AGBL4: variants seen among roughly 807,000 people sequenced by gnomAD.
AGBL4 encodes the protein AGBL carboxypeptidase 4.
A neutral mutation model predicts 66.4 loss-of-function variants in AGBL4; 58 were observed. That is an observed-to-expected ratio of 0.87 (90% confidence interval 0.71 to 1.09). AGBL4 has a LOEUF of 1.09. AGBL4 is among the 50% of genes least tolerant of loss of function. The pLI is 0.00. For synonymous variants in AGBL4, 234 were observed against 222.9 expected, an observed-to-expected ratio of 1.05 and a Z score of -0.44; for missense variants, 579 against 631.0, an observed-to-expected ratio of 0.92 and a Z score of 0.88.
At chr1:49,083,426 C>T (rs1008496068) in intron 4 of AGBL4, among the ~76,000 whole-genome samples, 1 of 152,224 alleles carries the variant, frequency 6.6e-6, no homozygotes, top group African/African-American at 2.4e-5. Context: ...TTCTGCACAC[C>T]TGCAGGCTCA....
chr1:49,496,977 C>T (rs760347272), intron 3 of AGBL4, among the ~76,000 whole-genome samples: 10 of 151,954 alleles, frequency 6.6e-5, no homozygotes, highest in African/African-American at 1.9e-4. Flanking sequence ...TACTATCATA[C>T]ATTCCCACCA....
At chr1:48,666,243 C>T (rs577445076) in intron 6 of AGBL4, among the ~76,000 whole-genome samples, 3 of 152,110 alleles carry the variant, frequency 2.0e-5, no homozygotes, top group East Asian at 1.9e-4. Context: ...CCTCCTGTCA[C>T]CAAATCTCCA....
chr1:48,531,205 T>G (rs4926741), downstream of AGBL4, among the ~76,000 whole-genome samples: 1 of 136,696 alleles, frequency 7.3e-6, no homozygotes, highest in African/African-American at 2.7e-5. Context: ...CAGCTTTTTT[T>G]TTTCTCTCTC....
intron 3 of AGBL4, among the ~76,000 whole-genome samples, chr1:49,657,056 G>T (rs1646153366): frequency 1.3e-5 from 2 of 152,154 alleles, no homozygotes; most frequent in Non-Finnish European, 2.9e-5. Context: ...AGGAAAAGAG[G>T]AAGTCAAATT....
chr1:49,948,586 G>T (rs548296541), intron 1 of AGBL4, among the ~76,000 whole-genome samples: 2,479 of 129,704 alleles, frequency 0.019, 39 homozygotes, highest in African/African-American at 0.04. Context: ...TATATATAGA[G>T]AGAGAGAGAG....
At chr1:48,545,638 G>A (rs1257712911) in intron 11 of AGBL4, among the ~76,000 whole-genome samples, 1 of 152,122 alleles carries the variant, frequency 6.6e-6, no homozygotes, top group African/African-American at 2.4e-5. Flanking sequence ...TCATTTTCAG[G>A]TTCCTGTGTA....
intron 3 of AGBL4, among the ~76,000 whole-genome samples, chr1:49,551,609 G>A (rs1416061328): frequency 6.6e-6 from 1 of 152,236 alleles, no homozygotes; most frequent in African/African-American, 2.4e-5. Context: ...GCTCTGGGCT[G>A]GTACTGGGGG....
At chr1:49,784,770 T>C (rs1399889724) in intron 2 of AGBL4, among the ~76,000 whole-genome samples, 2 of 151,870 alleles carry the variant, frequency 1.3e-5, no homozygotes, top group South Asian at 4.1e-4. Flanking sequence ...CTCTTACAGT[T>C]AATAATAAAA....
rs185394930 is a variant in AGBL4 at position 49,705,296 on chromosome 1, A to C, written c.158-7859T>G. Among the ~76,000 whole-genome samples, 3 of 152,278 alleles carry C rather than the reference A, an allele frequency of 2.0e-5. No homozygotes were observed. The East Asian group carries it at 5.8e-4, about 29-fold the overall frequency. ...GATTTTGTATCCTGTGACTTTGCTGAAGTTATCAGGTTAAGAATATTTTGA... is the reference window on the plus strand; with the variant it reads ...GATTTTGTATCCTGTGACTTTGCTGCAGTTATCAGGTTAAGAATATTTTGA... On this transcript the variant is annotated intron_variant, in intron 2 of 13. Coordinates refer to ENST00000371839, the MANE Select transcript of AGBL4 (RefSeq NM_032785.4).
At chr1:49,601,551 C>A (rs1045662197) in intron 3 of AGBL4, among the ~76,000 whole-genome samples, 2 of 152,124 alleles carry the variant, frequency 1.3e-5, no homozygotes, top group African/African-American at 2.4e-5. Context: ...TACCACCACA[C>A]ATCTACAACC....
chr1:49,659,741 C>G (rs182045732), intron 3 of AGBL4, among the ~76,000 whole-genome samples: 13 of 152,226 alleles, frequency 8.5e-5, no homozygotes, highest in Admixed American at 5.2e-4. Context: ...ACATTCAAGA[C>G]TTGAACTCAG....
chr1:49,964,766 G>T (rs1466803009), intron 1 of AGBL4, among the ~76,000 whole-genome samples: 1 of 151,376 alleles, frequency 6.6e-6, no homozygotes, highest in Non-Finnish European at 1.5e-5. Flanking sequence ...TAAAGTCCAG[G>T]AAAAAAAATG....
chr1:48,916,508 C>CAG (rs1359399554), intron 5 of AGBL4, among the ~76,000 whole-genome samples: 1 of 152,110 alleles, frequency 6.6e-6, no homozygotes, highest in Non-Finnish European at 1.5e-5. Flanking sequence ...TTGCTTATTT[C>CAG]AGTTAAATTT....
At chr1:49,822,238 T>C (rs1208028473) in intron 2 of AGBL4, among the ~76,000 whole-genome samples, 1 of 152,156 alleles carries the variant, frequency 6.6e-6, no homozygotes, top group East Asian at 1.9e-4. Context: ...TATATTTCCA[T>C]CCGGGTCAAC....
At chr1:49,765,178 C>T (rs1008347497) in intron 2 of AGBL4, among the ~76,000 whole-genome samples, 1 of 152,014 alleles carries the variant, frequency 6.6e-6, no homozygotes, top group Non-Finnish European at 1.5e-5. Context: ...TTCCAAGGCT[C>T]GGCCCTTCAC....
chr1:49,823,416 T>C (rs1224288243), intron 2 of AGBL4, among the ~76,000 whole-genome samples: 1 of 152,150 alleles, frequency 6.6e-6, no homozygotes, highest in Non-Finnish European at 1.5e-5. Context: ...TAGACATAGT[T>C]TAAAAATATA....
chr1:49,289,034 A>G (rs1644484712), intron 3 of AGBL4, among the ~76,000 whole-genome samples: 1 of 152,004 alleles, frequency 6.6e-6, no homozygotes, highest in Non-Finnish European at 1.5e-5. Context: ...AGAGAGAGAA[A>G]GAGAGAGAGA....
chr1:49,437,204 T>C (rs1202689918), intron 3 of AGBL4, among the ~76,000 whole-genome samples: 1 of 152,204 alleles, frequency 6.6e-6, no homozygotes, highest in African/African-American at 2.4e-5. Context: ...GAAGAAGCTA[T>C]CAACCTTATT....
chr1:48,888,036 A>C (rs1009005052), intron 5 of AGBL4, among the ~76,000 whole-genome samples: 1 of 152,146 alleles, frequency 6.6e-6, no homozygotes, highest in African/African-American at 2.4e-5. Context: ...CAGTTTTCAG[A>C]AAGAGGCATG....
Sources: gnomAD v4.1 joint callset for allele counts (sites outside exome capture counted in the v4.1 genomes callset) on GRCh38, gnomAD v4.1.1 for gene constraint, MANE v1.5 for transcripts, NCBI Gene and HGNC (gene_info 2026-07-23, HGNC 2026-07-21) for gene names.